JPH3: variants seen among roughly 807,000 people sequenced by gnomAD.
The protein encoded by JPH3 is junctophilin-3.
Under a neutral mutation model 59.6 loss-of-function variants are expected in JPH3, and 11 were observed. The observed-to-expected ratio is 0.18, with a 90% CI of 0.12 to 0.31. The LOEUF is 0.31. Ranked by LOEUF, JPH3 falls within the 10% of genes least tolerant of loss-of-function variation. The pLI, the probability that JPH3 is intolerant of heterozygous loss-of-function variation, is 1.00. For synonymous variants in JPH3, 673 were observed against 483.6 expected (o/e 1.39, Z -5.14); for missense variants, 1,202 against 1,105.7 (o/e 1.09, Z -1.24).
chr16:87,609,334 T>C (rs947386233), intron 1 of JPH3, among the ~76,000 whole-genome samples: 1 of 152,218 alleles, frequency 6.6e-6, no homozygotes, highest in Non-Finnish European at 1.5e-5. Flanking sequence ...TGGAGTGATC[T>C]TGGCTCATTG....
intron 1 of JPH3, among the ~76,000 whole-genome samples, chr16:87,609,838 G>A (rs1391154826): frequency 3.3e-5 from 5 of 152,172 alleles, no homozygotes; most frequent in Non-Finnish European, 4.4e-5. Context: ...TTTTTCTACC[G>A]CCCAGGGTTG....
intron 1 of JPH3, among the ~76,000 whole-genome samples, chr16:87,619,851 A>C (rs1306051255): frequency 6.6e-6 from 1 of 152,124 alleles, no homozygotes. Context: ...GATGGGGCGC[A>C]AGGAAGGGGC....
intron 1 of JPH3, among the ~76,000 whole-genome samples, chr16:87,627,121 C>CA (rs1377447692): frequency 2.0e-5 from 3 of 152,210 alleles, no homozygotes; most frequent in African/African-American, 7.2e-5. Flanking sequence ...GGGGCGAGGC[C>CA]AGTCATTAGT....
At chr16:87,647,018 T>C (rs536937077) in intron 2 of JPH3, among the ~76,000 whole-genome samples, 17 of 152,268 alleles carry the variant, frequency 1.1e-4, no homozygotes, top group African/African-American at 4.1e-4. Context: ...GAGGAGCTGC[T>C]CCAAGGCAGG....
chr16:87,696,154 A>G (rs1342559828), intron 4 of JPH3: 1 of 457,686 alleles, frequency 2.2e-6, no homozygotes. Flanking sequence ...GACACTGGCC[A>G]TGGCAGCCAT....
intron 4 of JPH3, chr16:87,695,676 A>G (rs899213092): frequency 6.6e-6 from 3 of 455,650 alleles, no homozygotes; most frequent in Non-Finnish European, 8.8e-6. Flanking sequence ...TCTGTAGGGC[A>G]GCACCCACCC....
chr16:87,657,051 C>T (rs1463432365), intron 2 of JPH3, among the ~76,000 whole-genome samples: 1 of 152,158 alleles, frequency 6.6e-6, no homozygotes, highest in African/African-American at 2.4e-5. Flanking sequence ...CCTATCTCCA[C>T]ATATAGGCCC....
At chr16:87,640,548 G>A (rs35108750) in intron 1 of JPH3, among the ~76,000 whole-genome samples, 28,278 of 151,118 alleles carry the variant, frequency 0.19, 3,120 homozygotes, top group East Asian at 0.38. Context: ...CCATCACCAT[G>A]CCTAGCTAGT....
At chr16:87,633,061 TA>T (rs1167190163) in intron 1 of JPH3, among the ~76,000 whole-genome samples, 1 of 152,176 alleles carries the variant, frequency 6.6e-6, no homozygotes, top group Non-Finnish European at 1.5e-5. Flanking sequence ...TTTATATAGT[TA>T]ATCACCTCGC....
At chr16:87,687,998 G>C (rs1269295697) in intron 3 of JPH3, among the ~76,000 whole-genome samples, 1 of 152,196 alleles carries the variant, frequency 6.6e-6, no homozygotes, top group Non-Finnish European at 1.5e-5. Context: ...TGGGGCCAGG[G>C]CTGCCCTCCA....
rs1487888787 is a variant in JPH3, at chr16:87,602,508, G to A, written c.-639G>A. Among the ~76,000 whole-genome samples the A allele has an allele frequency of 3.6e-5, 5 of 138,846 alleles. No homozygotes were observed. The highest frequency in any genetic ancestry group is 7.8e-3 in the Middle Eastern group (2 of 258). 91.1% of individuals were successfully genotyped at this position (138,846 alleles called of 152,430 possible). On this transcript the variant is annotated 5_prime_UTR_variant, in exon 1 of 5. Coordinates refer to ENST00000284262, the MANE Select transcript of JPH3 (RefSeq NM_020655.4). Reference sequence around the variant, plus strand: ...GGTGCGGGCGCGCGCCGCGCGGCCCGAGCGCGCGAGCCGGGCCCGGAGCGC... The same window carrying A: ...GGTGCGGGCGCGCGCCGCGCGGCCCAAGCGCGCGAGCCGGGCCCGGAGCGC...
chr16:87,663,523 G>A (rs180964777), intron 2 of JPH3, among the ~76,000 whole-genome samples: 11 of 152,314 alleles, frequency 7.2e-5, no homozygotes, highest in Non-Finnish European at 1.3e-4. Context: ...GATAACACAA[G>A]TTTCCCGTTT....
rs951600749 is a variant in JPH3 at position 87,644,712 on chromosome 16, C to G, written c.837C>G (p.Asp279Glu). 2 of 1,607,462 alleles carry G rather than the reference C, an allele frequency of 1.2e-6. No individual in the cohort carries two copies. The highest frequency in any genetic ancestry group is 2.7e-5 in the African/African-American group (2 of 73,106). Reference sequence around the variant, plus strand: ...CCGAGCTGGCGGTCATCGAGGACGACATCGACGCCACCACCACCGAGACCT... The same window carrying G: ...CCGAGCTGGCGGTCATCGAGGACGAGATCGACGCCACCACCACCGAGACCT... ...AEAELAVIED[D>E]IDATTTETYV... Residue 279 changes from aspartate (D) to glutamate (E), a missense_variant, in exon 2 of 5, where the codon GAC becomes GAG. Transcript: ENST00000284262.
At chr16:87,615,237 C>T (rs2030912781) in intron 1 of JPH3, among the ~76,000 whole-genome samples, 1 of 152,210 alleles carries the variant, frequency 6.6e-6, no homozygotes, top group Non-Finnish European at 1.5e-5. Flanking sequence ...TCTCAGTTTG[C>T]CCAGTGAGTA....
chr16:87,604,515 C>G, intron 1 of JPH3: 1 of 1,293,072 alleles, frequency 7.7e-7, no homozygotes, highest in Non-Finnish European at 1.0e-6. Context: ...CTCAGAGGCA[C>G]TGGGTCCTCT....
chr16:87,641,343 T>C (rs2031943871), intron 1 of JPH3, among the ~76,000 whole-genome samples: 1 of 152,114 alleles, frequency 6.6e-6, no homozygotes, highest in African/African-American at 2.4e-5. Flanking sequence ...GTGAGGTTGC[T>C]TCTGATGTTG....
chr16:87,633,207 C>T (rs2031619797), intron 1 of JPH3, among the ~76,000 whole-genome samples: 2 of 152,240 alleles, frequency 1.3e-5, no homozygotes, highest in Middle Eastern at 3.4e-3. Flanking sequence ...GTTGATTGTT[C>T]TTTGTTTTCG....
intron 1 of JPH3, among the ~76,000 whole-genome samples, chr16:87,619,371 C>T (rs1001088277): frequency 6.6e-6 from 1 of 151,742 alleles, no homozygotes; most frequent in African/African-American, 2.4e-5. Flanking sequence ...GTGACATTTT[C>T]GTAGGCTGTA....
intron 3 of JPH3, among the ~76,000 whole-genome samples, chr16:87,687,338 T>C (rs1348889417): frequency 6.6e-6 from 1 of 152,184 alleles, no homozygotes; most frequent in Non-Finnish European, 1.5e-5. Context: ...AACGAGGCTC[T>C]GAAGCCTGGG....
Sources: allele counts gnomAD v4.1 joint callset (sites outside exome capture counted in the v4.1 genomes callset), GRCh38; gene constraint gnomAD v4.1.1; transcripts MANE v1.5; gene names NCBI Gene and HGNC (gene_info 2026-07-23, HGNC 2026-07-21).